The following LINGO2 variants were observed in gnomAD, a reference collection of about 807,000 sequenced individuals.
LINGO2 encodes leucine-rich repeat and immunoglobulin-like domain-containing nogo receptor-interacting protein 2.
Under a neutral mutation model 30.6 loss-of-function variants are expected in LINGO2, and 14 were observed. The observed-to-expected ratio is 0.46, with a 90% CI of 0.30 to 0.72. The LOEUF (loss-of-function observed/expected upper bound fraction) is 0.72. Ranked by LOEUF, LINGO2 falls within the 30% of genes least tolerant of loss-of-function variation. LINGO2 has a pLI of 0.07. For missense variants in LINGO2, 729 were observed against 751.7 expected, an observed-to-expected ratio of 0.97 and a Z score of 0.35; for synonymous variants, 317 against 288.5, an observed-to-expected ratio of 1.10 and a Z score of -1.00.
At chr9:28,444,167 C>T (rs929513192) in intron 2 of LINGO2, among the ~76,000 whole-genome samples, 3 of 152,136 alleles carry the variant, frequency 2.0e-5, no homozygotes, top group African/African-American at 4.8e-5. Flanking sequence ...ATATGGGACA[C>T]GAACTCAGGA....
Position 27,981,701 on chromosome 9 carries a change from T to C in LINGO2, c.-36+30654A>G, listed in dbSNP as rs970100264. Among the ~76,000 whole-genome samples, 47 of 151,758 alleles carry C rather than the reference T, an allele frequency of 3.1e-4. 1 individual carries two copies. Among genetic ancestry groups the C allele is most frequent in the South Asian group, 4.2e-4 (2 of 4,808 alleles). ...GATCTTCATTGTCCATCTAGATTAG[T>C]GAAGGTCCAGAAAGAAAAACATGGC... is the stretch of plus-strand genomic sequence containing the variant. On this transcript the variant is annotated intron_variant, in intron 5 of 5. Transcript: ENST00000379992.
At chr9:28,367,985 C>G (rs1286006873) in intron 3 of LINGO2, among the ~76,000 whole-genome samples, 1 of 151,942 alleles carries the variant, frequency 6.6e-6, no homozygotes, top group Non-Finnish European at 1.5e-5. Flanking sequence ...TTCTTTCCTT[C>G]TTTTTCCAAG....
chr9:28,976,867 A>G, the LINGO2 span, among the ~76,000 whole-genome samples: 1 of 152,150 alleles, frequency 6.6e-6, no homozygotes, highest in Admixed American at 6.6e-5. Flanking sequence ...AGTTCTCATT[A>G]ACTCAGAATA....
chr9:28,352,272 C>A (rs2134451280), intron 3 of LINGO2, among the ~76,000 whole-genome samples: 2 of 150,156 alleles, frequency 1.3e-5, no homozygotes, highest in African/African-American at 4.9e-5. Flanking sequence ...AGCCCAAAAT[C>A]TCCTTAAGCT....
the LINGO2 span, among the ~76,000 whole-genome samples, chr9:28,745,238 T>C: frequency 1.3e-5 from 2 of 152,060 alleles, no homozygotes. Flanking sequence ...AGAGTACTTA[T>C]TATTCAGTCA....
In LINGO2 at chr9:28,349,630, A is replaced by G. The variant is rs1278691443; in HGVS notation, c.-246+23206T>C. On this transcript the variant is annotated intron_variant, in intron 3 of 5. Coordinates refer to ENST00000379992, the Ensembl canonical transcript of LINGO2. The stretch of plus-strand genomic sequence containing the variant: ...TCTAGCAAGGCAGGACAACGTTCAG[A>G]TTCAGGAAATACAGAGAACGCCACA... Among the ~76,000 whole-genome samples, 7 of 139,744 alleles carry G rather than the reference A, an allele frequency of 5.0e-5. No homozygotes were observed. The East Asian group carries it at 1.4e-3, about 28-fold the overall frequency. The allele number at this position is 139,744 out of a possible 152,430, so 91.7% of individuals were successfully genotyped here.
the LINGO2 span, among the ~76,000 whole-genome samples, chr9:29,004,214 A>T: frequency 6.6e-6 from 1 of 151,968 alleles, no homozygotes; most frequent in African/African-American, 2.4e-5. Context: ...TACCCTTTAT[A>T]TGTGATATTT....
At chr9:28,848,070 A>ATAATATATAT in the LINGO2 span, among the ~76,000 whole-genome samples, 1 of 27,990 alleles carries the variant, frequency 3.6e-5, no homozygotes, top group Non-Finnish European at 5.4e-5. Context: ...TATGTATATA[A>ATAATATATAT]TATATATATA....
chr9:28,019,271 CTTA>C (rs1822993590), intron 4 of LINGO2, among the ~76,000 whole-genome samples: 1 of 148,580 alleles, frequency 6.7e-6, no homozygotes, highest in Non-Finnish European at 1.5e-5. Context: ...GAACCTAAAA[CTTA>C]AAAAAAAAAA....
At chr9:28,936,183 T>A in the LINGO2 span, among the ~76,000 whole-genome samples, 1 of 152,192 alleles carries the variant, frequency 6.6e-6, no homozygotes, top group Non-Finnish European at 1.5e-5. Flanking sequence ...GAGACTAATT[T>A]TTCACCATCT....
Position 28,547,979 on chromosome 9 carries a change from C to T in LINGO2, c.-364-71954G>A, listed in dbSNP as rs143782422. Among the ~76,000 whole-genome samples the T allele has an allele frequency of 5.5e-4, 83 of 152,110 alleles. 1 individual carries two copies. The Middle Eastern group carries it at 0.01, about 19-fold the overall frequency. On this transcript the variant is annotated intron_variant, in intron 1 of 5. Transcript: ENST00000379992. The stretch of plus-strand genomic sequence containing the variant: ...AAGTAACAAAATCAGACTCTGGCTA[C>T]CTTATGCCCAAAAGAAAATTTATTA...
chr9:28,343,334 C>T lies in LINGO2; in HGVS notation c.-246+29502G>A, dbSNP rs563472876. On this transcript the variant is annotated intron_variant, in intron 3 of 5. Transcript: ENST00000379992. The stretch of plus-strand genomic sequence containing the variant: ...CGCAAACATACATATATACATTCCT[C>T]ACTTCAAATAAACAAATAAACAAAA... Among the ~76,000 whole-genome samples, 144 of 152,258 alleles carry T rather than the reference C, an allele frequency of 9.5e-4. 1 individual carries two copies. Among genetic ancestry groups the T allele is most frequent in the African/African-American group, 3.3e-3 (138 of 41,560 alleles).
intron 4 of LINGO2, among the ~76,000 whole-genome samples, chr9:28,190,047 T>G (rs1278774535): frequency 6.6e-6 from 1 of 152,116 alleles, no homozygotes; most frequent in East Asian, 1.9e-4. Flanking sequence ...TAGGCAGAAT[T>G]GTAGTGTTGT....
intron 4 of LINGO2, among the ~76,000 whole-genome samples, chr9:28,241,706 T>C (rs1022420231): frequency 6.6e-6 from 1 of 152,154 alleles, no homozygotes; most frequent in Non-Finnish European, 1.5e-5. Context: ...AGACATCTTA[T>C]ATAGAAGTGT....
chr9:28,710,463 T>C, the LINGO2 span, among the ~76,000 whole-genome samples: 2 of 152,152 alleles, frequency 1.3e-5, no homozygotes, highest in Non-Finnish European at 2.9e-5. Flanking sequence ...TGCACATAAC[T>C]ATTAGATGCC....
intron 1 of LINGO2, among the ~76,000 whole-genome samples, chr9:28,564,837 T>C (rs1823282848): frequency 6.6e-6 from 1 of 152,136 alleles, no homozygotes; most frequent in Non-Finnish European, 1.5e-5. Context: ...GAGTCTTCAA[T>C]AGTCACTTGT....
chr9:28,769,462 CTATATATATATATATATATATATA>C, the LINGO2 span, among the ~76,000 whole-genome samples: 1 of 62,384 alleles, frequency 1.6e-5, no homozygotes, highest in Non-Finnish European at 2.6e-5. Flanking sequence ...CAGTTACATG[CTATATATATATATATATATATATA>C]TATATATATA....
chr9:28,980,564 T>C, the LINGO2 span, among the ~76,000 whole-genome samples: 13 of 152,140 alleles, frequency 8.5e-5, no homozygotes, highest in South Asian at 2.7e-3. Context: ...GTTTATTTTA[T>C]CTCAAAAACA....
chr9:28,316,956 T>C (rs1587455883), intron 3 of LINGO2, among the ~76,000 whole-genome samples: 1 of 152,188 alleles, frequency 6.6e-6, no homozygotes, highest in East Asian at 1.9e-4. Flanking sequence ...GTTGAGTACA[T>C]GCTACATGCA....
Sources: allele counts gnomAD v4.1 joint callset (sites outside exome capture counted in the v4.1 genomes callset), GRCh38; gene constraint gnomAD v4.1.1; transcripts MANE v1.5; gene names NCBI Gene and HGNC (gene_info 2026-07-23, HGNC 2026-07-21).